The following NHEJ1 variants were observed in gnomAD, a reference collection of about 807,000 sequenced individuals.
NHEJ1 encodes the protein non-homologous end joining factor 1.
Under a neutral mutation model 39.4 loss-of-function variants are expected in NHEJ1, and 22 were observed. The observed-to-expected ratio is 0.56, with a 90% CI of 0.40 to 0.80. The LOEUF is 0.80. Ranked by LOEUF, NHEJ1 falls within the 30% of genes least tolerant of loss-of-function variation. The pLI is 0.00. For synonymous variants in NHEJ1, 154 were observed against 135.6 expected, an observed-to-expected ratio of 1.14 and a Z score of -0.94; for missense variants, 329 against 357.1, an observed-to-expected ratio of 0.92 and a Z score of 0.63.
At chr2:219,113,496 A>T (rs1204469252) in intron 5 of NHEJ1, among the ~76,000 whole-genome samples, 2 of 152,228 alleles carry the variant, frequency 1.3e-5, no homozygotes, top group Admixed American at 6.5e-5. Flanking sequence ...AACTTATCTT[A>T]AAATGTAATC....
intron 5 of NHEJ1, among the ~76,000 whole-genome samples, chr2:219,104,229 T>C (rs1010979626): frequency 6.6e-6 from 1 of 152,182 alleles, no homozygotes; most frequent in Non-Finnish European, 1.5e-5. Flanking sequence ...CCAAACATGG[T>C]GGCCCCAGGA....
chr2:219,092,591 A>C (rs1949170832), intron 5 of NHEJ1, among the ~76,000 whole-genome samples: 1 of 152,200 alleles, frequency 6.6e-6, no homozygotes, highest in African/African-American at 2.4e-5. Flanking sequence ...GGAAATGCTA[A>C]ATTTCAGTTA....
intron 5 of NHEJ1, among the ~76,000 whole-genome samples, chr2:219,107,935 GA>G (rs765446353): frequency 9.6e-4 from 138 of 144,318 alleles, no homozygotes; most frequent in Middle Eastern, 7.4e-3. Context: ...GGTTAACAGA[GA>G]AAAAAAAAAA....
chr2:219,153,675 A>G (rs978303334), intron 3 of NHEJ1, among the ~76,000 whole-genome samples: 3 of 79,408 alleles, frequency 3.8e-5, no homozygotes, highest in African/African-American at 1.3e-4. Flanking sequence ...CTTCATCTCA[A>G]AAGAAAAAGA....
At chr2:219,077,461 TTG>T in intron 6 of NHEJ1, 97 bp from the exon 7 acceptor site, 1 of 958,990 alleles carries the variant, frequency 1.0e-6, no homozygotes, top group South Asian at 1.3e-5. Flanking sequence ...AGGCCAGGGT[TTG>T]GTACAAATAT....
At chr2:219,141,985 G>A (rs1207743420) in intron 5 of NHEJ1, among the ~76,000 whole-genome samples, 2 of 152,176 alleles carry the variant, frequency 1.3e-5, no homozygotes, top group African/African-American at 4.8e-5. Flanking sequence ...GAGCAGCAGT[G>A]ACTCTCTTCA....
rs541839787 is a variant in NHEJ1, at chr2:219,112,985, A to G, written c.588+33695T>C. 5.9e-5 allele frequency among the ~76,000 whole-genome samples: 9 copies of G among 152,328 alleles called. No homozygotes were observed. The South Asian group carries it at 1.5e-3, about 25-fold the overall frequency. On this transcript the variant is annotated intron_variant, in intron 5 of 7. Coordinates refer to ENST00000356853, the MANE Select transcript of NHEJ1 (RefSeq NM_024782.3). ...GCTGAAATTAGTTGCCCAGATTTAT[A>G]GAAATCTCTTATGCCTTTATGTGGT... is the stretch of plus-strand genomic sequence containing the variant.
chr2:219,091,799 A>C (rs1323360482), intron 5 of NHEJ1, among the ~76,000 whole-genome samples: 2 of 152,272 alleles, frequency 1.3e-5, no homozygotes, highest in East Asian at 3.9e-4. Context: ...TAAATGAACA[A>C]GGGTATGTGT....
At chr2:219,095,619 G>A (rs1390424250) in intron 5 of NHEJ1, among the ~76,000 whole-genome samples, 1 of 152,118 alleles carries the variant, frequency 6.6e-6, no homozygotes, top group African/African-American at 2.4e-5. Flanking sequence ...CAGCCAATGG[G>A]GAGAGCACCA....
At chr2:219,078,021 T>C (rs1003604616) in intron 6 of NHEJ1, 68 bp downstream of exon 6, 39 of 1,039,618 alleles carry the variant, frequency 3.8e-5, no homozygotes, top group Non-Finnish European at 5.3e-5. Flanking sequence ...AAAACTATCA[T>C]ATTGGACAGC....
intron 5 of NHEJ1, among the ~76,000 whole-genome samples, chr2:219,089,408 A>G (rs973741131): frequency 6.6e-6 from 1 of 152,232 alleles, no homozygotes; most frequent in African/African-American, 2.4e-5. Context: ...TTCTACCATA[A>G]GAAGGAATAA....
Position 219,111,662 on chromosome 2 carries a change from C to CACAG in NHEJ1, c.589-33457_589-33456insCTGT, listed in dbSNP as rs1553544990. On this transcript the variant is annotated intron_variant, in intron 5 of 7. Coordinates refer to ENST00000356853, the MANE Select transcript of NHEJ1 (RefSeq NM_024782.3). The surrounding 1 kb of genome is among the most constrained non-coding windows in gnomAD (Gnocchi z 4.1). ...ACACACACACACACACACACACACA[C>CACAG]AGAGAGATACATACAGTCAGTGGGA... Among the ~76,000 whole-genome samples, 3 of 148,956 alleles carry CACAG rather than the reference C, an allele frequency of 2.0e-5. No individual in the cohort carries two copies. The highest frequency in any genetic ancestry group is 1.3e-4 in the Admixed American group (2 of 15,156).
intron 5 of NHEJ1, among the ~76,000 whole-genome samples, chr2:219,092,131 A>G (rs1361853401): frequency 6.6e-6 from 1 of 152,200 alleles, no homozygotes; most frequent in Non-Finnish European, 1.5e-5. Context: ...GTCTCTATAA[A>G]AAATGAAAAC....
At chr2:219,140,802 G>A (rs1415751795) in intron 5 of NHEJ1, among the ~76,000 whole-genome samples, 2 of 152,212 alleles carry the variant, frequency 1.3e-5, no homozygotes, top group African/African-American at 4.8e-5. Context: ...ATAAATGTGA[G>A]ATTCATCCAC....
chr2:219,128,285 TCAAA>T (rs1383004349), intron 5 of NHEJ1, among the ~76,000 whole-genome samples: 1 of 152,214 alleles, frequency 6.6e-6, no homozygotes, highest in Non-Finnish European at 1.5e-5. Context: ...GAACAGCGTA[TCAAA>T]CAGTTTGAGT....
rs1168396273 is a variant in NHEJ1, at chr2:219,073,114, C to T, written c.*3267G>A. 6.6e-6 allele frequency among the ~76,000 whole-genome samples: 1 copy of T among 152,122 alleles called. No homozygotes were observed. The highest frequency in any genetic ancestry group is 1.5e-5 in the Non-Finnish European group (1 of 68,012). ...AGTATCAAGAGATGTGAGCATCTCTCCTTCCCCCAGTGCTCACTGTGGGTG... is the reference window on the plus strand; with the variant it reads ...AGTATCAAGAGATGTGAGCATCTCTTCTTCCCCCAGTGCTCACTGTGGGTG... On this transcript the variant is annotated 3_prime_UTR_variant, in exon 8 of 8. Coordinates refer to ENST00000356853, the MANE Select transcript of NHEJ1 (RefSeq NM_024782.3).
chr2:219,107,879 C>G (rs929569115), intron 5 of NHEJ1, among the ~76,000 whole-genome samples: 53 of 152,122 alleles, frequency 3.5e-4, no homozygotes, highest in South Asian at 8.3e-4. Flanking sequence ...TACAGCCCCA[C>G]CCTCCTCCCT....
In NHEJ1 at chr2:219,111,897, C is replaced by T. The variant is rs1241697905; in HGVS notation, c.589-33691G>A. On this transcript the variant is annotated intron_variant, in intron 5 of 7. Transcript: ENST00000356853. The surrounding 1 kb of genome is among the most constrained non-coding windows in gnomAD (Gnocchi z 4.1). ...CATGGCAGGATGGGGCGAGGCCATG[C>T]TTTAGGGGTGGGGGGATGAATGAGA... Among the ~76,000 whole-genome samples, 1 of 152,110 alleles carries T rather than the reference C, an allele frequency of 6.6e-6. No homozygotes were observed.
chr2:219,147,512 A>G lies in NHEJ1; in HGVS notation c.529+145T>C. 4.3e-6 allele frequency: 4 copies of G among 925,674 alleles called. No individual in the cohort carries two copies. The South Asian group carries it at 5.7e-5, about 13-fold the overall frequency. The allele number at this position is 925,674 out of a possible 1,614,324, so 57.3% of individuals were successfully genotyped here. On this transcript the variant is annotated intron_variant, in intron 4 of 7. Coordinates refer to ENST00000356853, the MANE Select transcript of NHEJ1 (RefSeq NM_024782.3). The stretch of plus-strand genomic sequence containing the variant: ...CAAACAAACAAAAAAGAGTCACCTA[A>G]TATCAAGACTCCAGTTTCTGGTTAG...
Sources: allele counts gnomAD v4.1 joint callset (sites outside exome capture counted in the v4.1 genomes callset), GRCh38; gene constraint gnomAD v4.1.1; non-coding constraint Gnocchi (gnomAD v3.1); transcripts MANE v1.5; gene names NCBI Gene and HGNC (gene_info 2026-07-23, HGNC 2026-07-21).